The following AKAP13 variants were observed in gnomAD, a reference collection of about 807,000 sequenced individuals.
AKAP13 encodes A-kinase anchor protein 13.
A neutral mutation model predicts 264.5 loss-of-function variants in AKAP13; 80 were observed. That is an observed-to-expected ratio of 0.30 (90% CI 0.25 to 0.36). The LOEUF is 0.36. Ranked by LOEUF, AKAP13 falls within the 10% of genes least tolerant of loss-of-function variation. The pLI is 1.00. For missense variants in AKAP13, 3,712 were observed against 3,435.2 expected, an observed-to-expected ratio of 1.08 and a Z score of -2.01; for synonymous variants, 1,380 against 1,250.2, an observed-to-expected ratio of 1.10 and a Z score of -2.19.
intron 27 of AKAP13, 191 bp from the exon 28 acceptor site, chr15:85,726,875 T>A: frequency 3.1e-6 from 2 of 638,096 alleles, no homozygotes; most frequent in Non-Finnish European, 5.3e-6. Flanking sequence ...AATTACTATT[T>A]CCCTTTTGAA....
intron 1 of AKAP13, among the ~76,000 whole-genome samples, chr15:85,442,528 A>AT (rs561649276): frequency 0.013 from 1,622 of 120,890 alleles, 22 homozygotes; most frequent in African/African-American, 0.024. Flanking sequence ...ATTATATTAT[A>AT]TATAATATAT....
intron 8 of AKAP13, among the ~76,000 whole-genome samples, chr15:85,608,757 A>G (rs1357691511): frequency 6.6e-6 from 1 of 152,234 alleles, no homozygotes; most frequent in African/African-American, 2.4e-5. Context: ...ACCTTGATAC[A>G]CAATTAGGCT....
rs16941007 is a variant in AKAP13 at position 85,530,789 on chromosome 15, C to T, written c.182-2795C>T. ...ACTCCATCCATCCATCGTTCATCATCCATCCACCATCAGTTTATTTGGAAA... is the reference window on the plus strand; with the variant it reads ...ACTCCATCCATCCATCGTTCATCATTCATCCACCATCAGTTTATTTGGAAA... On this transcript the variant is annotated intron_variant, in intron 3 of 36. Transcript: ENST00000394518. Among the ~76,000 whole-genome samples the T allele has an allele frequency of 1.9e-4, 29 of 152,314 alleles. No homozygotes were observed. The East Asian group carries it at 5.0e-3, about 26-fold the overall frequency.
At chr15:85,399,602 A>T (rs1323375785) in intron 1 of AKAP13, among the ~76,000 whole-genome samples, 2 of 151,634 alleles carry the variant, frequency 1.3e-5, no homozygotes, top group Non-Finnish European at 2.9e-5. Flanking sequence ...TTACTGGATT[A>T]CTGGCAACCA....
intron 10 of AKAP13, among the ~76,000 whole-genome samples, chr15:85,655,170 C>T (rs1387837283): frequency 3.3e-5 from 5 of 151,686 alleles, no homozygotes; most frequent in South Asian, 2.1e-4. Context: ...CCAGCCTGGG[C>T]GACAGAGTGA....
intron 15 of AKAP13, 56 bp from the exon 16 acceptor site, chr15:85,684,685 T>G: frequency 6.4e-7 from 1 of 1,550,604 alleles, no homozygotes; most frequent in East Asian, 2.3e-5. Context: ...TCTGCTTCAC[T>G]TTTATTTAAC....
intron 1 of AKAP13, among the ~76,000 whole-genome samples, chr15:85,395,418 A>G (rs1459149338): frequency 6.6e-6 from 1 of 152,134 alleles, no homozygotes; most frequent in African/African-American, 2.4e-5. Context: ...CATGAAATAC[A>G]CCCAGGTTTA....
chr15:85,562,542 G>T (rs1420918255), intron 5 of AKAP13, among the ~76,000 whole-genome samples: 37 of 134,394 alleles, frequency 2.8e-4, no homozygotes, highest in South Asian at 1.2e-3. Flanking sequence ...TCCATCCTGG[G>T]TGACAGAGTG....
chr15:85,619,360 G>A (rs996592063), intron 8 of AKAP13: 218 of 984,918 alleles, frequency 2.2e-4, no homozygotes, highest in Non-Finnish European at 2.6e-4. Context: ...GAAGGAGGGA[G>A]GGAGGGAGTA....
At chr15:85,592,863 A>G (rs1036069152) in intron 8 of AKAP13, among the ~76,000 whole-genome samples, 6 of 152,316 alleles carry the variant, frequency 3.9e-5, no homozygotes, top group East Asian at 1.9e-4. Flanking sequence ...AAAACTACCC[A>G]TAGATAATGT....
chr15:85,495,102 A>G (rs184341846), intron 2 of AKAP13, among the ~76,000 whole-genome samples: 105 of 152,322 alleles, frequency 6.9e-4, no homozygotes, highest in Non-Finnish European at 1.1e-3. Flanking sequence ...CCATCTCAAT[A>G]AAGTATATGC....
chr15:85,404,782 T>G (rs2071589511), intron 1 of AKAP13, among the ~76,000 whole-genome samples: 1 of 152,240 alleles, frequency 6.6e-6, no homozygotes, highest in African/African-American at 2.4e-5. Flanking sequence ...TCAGTAATCT[T>G]TACTGAATGA....
intron 18 of AKAP13, among the ~76,000 whole-genome samples, chr15:85,709,560 C>T (rs1322820998): frequency 6.6e-6 from 1 of 152,108 alleles, no homozygotes; most frequent in Non-Finnish European, 1.5e-5. Flanking sequence ...TTTGTGATCT[C>T]TGATAAGACT....
chr15:85,568,971 A>T (rs944339538), intron 5 of AKAP13, among the ~76,000 whole-genome samples: 1 of 152,208 alleles, frequency 6.6e-6, no homozygotes, highest in Admixed American at 6.5e-5. Context: ...GAACTAGACC[A>T]GTGCCTGTAG....
At chr15:85,463,634 C>T (rs114343198) in intron 1 of AKAP13, among the ~76,000 whole-genome samples, 64 of 152,266 alleles carry the variant, frequency 4.2e-4, no homozygotes, top group African/African-American at 1.2e-3. Flanking sequence ...TTCCCTCTGC[C>T]CTTTTTCTTT....
intron 3 of AKAP13, among the ~76,000 whole-genome samples, chr15:85,529,007 C>T (rs1291576122): frequency 6.6e-6 from 1 of 152,112 alleles, no homozygotes; most frequent in African/African-American, 2.4e-5. Flanking sequence ...ACTGAAAATC[C>T]TGCTATTGTT....
intron 8 of AKAP13, among the ~76,000 whole-genome samples, chr15:85,603,069 G>A (rs1261950895): frequency 6.6e-6 from 1 of 152,180 alleles, no homozygotes; most frequent in Non-Finnish European, 1.5e-5. Context: ...ACTGTCAGTT[G>A]TTTCCCTTGA....
At chr15:85,559,916 G>T (rs888286843) in intron 5 of AKAP13, among the ~76,000 whole-genome samples, 1 of 151,988 alleles carries the variant, frequency 6.6e-6, no homozygotes, top group Non-Finnish European at 1.5e-5. Context: ...AAGTCATCTG[G>T]GGGGTGAGAA....
chr15:85,432,269 C>A (rs1236617693), intron 1 of AKAP13, among the ~76,000 whole-genome samples: 1 of 151,650 alleles, frequency 6.6e-6, no homozygotes, highest in Non-Finnish European at 1.5e-5. Flanking sequence ...ATTTTTCCTT[C>A]AATGAGGGGA....
Sources: allele counts gnomAD v4.1 joint callset (sites outside exome capture counted in the v4.1 genomes callset), GRCh38; gene constraint gnomAD v4.1.1; transcripts MANE v1.5; gene names NCBI Gene and HGNC (gene_info 2026-07-23, HGNC 2026-07-21).